The following ANO2 variants were observed in gnomAD, a reference collection of about 807,000 sequenced individuals.
ANO2 encodes anoctamin 2, also known as anoctamin-2.
A neutral mutation model predicts 124.2 loss-of-function variants in ANO2; 101 were observed. That is an observed-to-expected ratio of 0.81 (90% CI 0.69 to 0.96). ANO2 has a LOEUF of 0.96. Among genes scored for constraint, ANO2 ranks in the 40% least tolerant of loss-of-function variants. The probability of loss-of-function intolerance (pLI) is 0.00; values close to 1 mark genes in which losing one functional copy is unlikely to be tolerated. For synonymous variants in ANO2, 486 were observed against 482.5 expected (o/e 1.01, Z -0.09); for missense variants, 1,293 against 1,274.5 (o/e 1.01, Z -0.22).
chr12:5,815,485 C>T (rs1349909603), intron 7 of ANO2, among the ~76,000 whole-genome samples: 1 of 152,062 alleles, frequency 6.6e-6, no homozygotes, highest in Admixed American at 6.5e-5. Context: ...ACATGTTCTA[C>T]ATAAGACGCC....
chr12:5,876,524 T>A (rs1367632467), intron 3 of ANO2, among the ~76,000 whole-genome samples: 1 of 152,172 alleles, frequency 6.6e-6, no homozygotes, highest in Non-Finnish European at 1.5e-5. Context: ...TAAAGACACA[T>A]GTACTTTTAT....
rs180733779 is a variant in ANO2 at position 5,671,329 on chromosome 12, G to A, written c.1546-23528C>T. 4.3e-3 allele frequency among the ~76,000 whole-genome samples: 652 copies of A among 152,240 alleles called. 2 individuals carry two copies. Among genetic ancestry groups the A allele is most frequent in the Non-Finnish European group, 7.2e-3 (490 of 68,018 alleles). On this transcript the variant is annotated intron_variant, in intron 14 of 24. Coordinates refer to ENST00000682330, the MANE Select transcript of ANO2 (RefSeq NM_001364791.2). ...TACATAACACACAGGGCTTCCCACAGCAACCTCCTCCAACCCATTCACAAT... is the reference window on the plus strand; with the variant it reads ...TACATAACACACAGGGCTTCCCACAACAACCTCCTCCAACCCATTCACAAT...
In ANO2 at chr12:5,575,886, C is replaced by T; in HGVS notation, c.2569G>A (p.Glu857Lys). The change falls in exon 23 of 25, where the codon GAG becomes AAG. Residue 857 changes from glutamate (E) to lysine (K), a missense_variant. By Grantham distance (56) the Glu-to-Lys change is moderately conservative. Transcript: ENST00000682330. ...LSFFNVSQLK[E>K]GTQPENSQFD... ...TGTGAGTTTTCTGGCTGCGTCCCCT[C>T]CTTCAGCTGGCTGACGTTGAAAAAG... 6.2e-7 allele frequency: 1 copy of T among 1,613,918 alleles called. No individual in the cohort carries two copies. The highest frequency in any genetic ancestry group is 8.5e-7 in the Non-Finnish European group (1 of 1,179,874).
intron 16 of ANO2, among the ~76,000 whole-genome samples, chr12:5,622,789 C>A (rs1945179294): frequency 6.6e-6 from 1 of 151,936 alleles, no homozygotes; most frequent in Non-Finnish European, 1.5e-5. Context: ...CATGGCAAAA[C>A]TCTGTCTCTA....
chr12:5,687,498 T>A (rs1292704741), intron 14 of ANO2, among the ~76,000 whole-genome samples: 1 of 152,146 alleles, frequency 6.6e-6, no homozygotes, highest in African/African-American at 2.4e-5. Context: ...ATGGATAGAG[T>A]TGGCATCCAT....
intron 14 of ANO2, among the ~76,000 whole-genome samples, chr12:5,683,936 C>G (rs1400317051): frequency 2.0e-5 from 3 of 152,164 alleles, no homozygotes; most frequent in African/African-American, 7.2e-5. Flanking sequence ...TTTCATCTCT[C>G]TCTTGAGTCT....
intron 23 of ANO2, among the ~76,000 whole-genome samples, chr12:5,570,021 C>T (rs1942007241): frequency 6.6e-6 from 1 of 152,112 alleles, no homozygotes; most frequent in Non-Finnish European, 1.5e-5. Context: ...TTATAGTAAG[C>T]TTTCCTGAGC....
intron 7 of ANO2, among the ~76,000 whole-genome samples, chr12:5,825,447 C>T (rs1426517962): frequency 6.6e-6 from 1 of 152,190 alleles, no homozygotes; most frequent in African/African-American, 2.4e-5. Context: ...CACTCACCAT[C>T]GCCCCTAGTG....
chr12:5,912,404 C>T (rs2136293337), intron 3 of ANO2, among the ~76,000 whole-genome samples: 1 of 152,344 alleles, frequency 6.6e-6, no homozygotes, highest in South Asian at 2.1e-4. Flanking sequence ...GGGACATTAG[C>T]TGCTCTAACC....
chr12:5,708,051 C>T (rs1949679994), intron 14 of ANO2, among the ~76,000 whole-genome samples: 1 of 152,172 alleles, frequency 6.6e-6, no homozygotes, highest in African/African-American at 2.4e-5. Context: ...TATCTTTCCC[C>T]CAGGCTGCTT....
chr12:5,769,387 A>G lies in ANO2; in HGVS notation c.1056-18417T>C, dbSNP rs1370252216. Reference sequence around the variant, plus strand: ...AACAGGCCCAAAGACCAAGAAAGAGAGCCAGGGGCCAGACGAGCAAACACT... The same window carrying G: ...AACAGGCCCAAAGACCAAGAAAGAGGGCCAGGGGCCAGACGAGCAAACACT... On this transcript the variant is annotated intron_variant, in intron 10 of 24. Coordinates refer to ENST00000682330, the MANE Select transcript of ANO2 (RefSeq NM_001364791.2). This position sits in a 1 kb window ranked among gnomAD's most constrained non-coding sequence, Gnocchi z 4.0. 1.3e-5 allele frequency among the ~76,000 whole-genome samples: 2 copies of G among 152,148 alleles called. No homozygotes were observed. Among genetic ancestry groups the G allele is most frequent in the Non-Finnish European group, 2.9e-5 (2 of 68,028 alleles).
intron 4 of ANO2, among the ~76,000 whole-genome samples, chr12:5,841,031 GC>G: frequency 6.6e-6 from 1 of 152,246 alleles, no homozygotes; most frequent in East Asian, 1.9e-4. Context: ...GAAGGGAGGA[GC>G]AAGAGAAGCC....
intron 6 of ANO2, 73 bp from the exon 7 acceptor site, chr12:5,827,893 C>A (rs1954026925): frequency 2.0e-6 from 3 of 1,530,720 alleles, no homozygotes; most frequent in Middle Eastern, 1.7e-4. Context: ...ACCCTCACCA[C>A]TGCCTGGCAG....
intron 1 of ANO2, among the ~76,000 whole-genome samples, chr12:5,926,721 G>A (rs1202929818): frequency 6.6e-6 from 1 of 152,184 alleles, no homozygotes; most frequent in Non-Finnish European, 1.5e-5. Flanking sequence ...TACTAAGAAA[G>A]CTAATTTCCT....
At chr12:5,680,153 G>A (rs1486597663) in intron 14 of ANO2, among the ~76,000 whole-genome samples, 1 of 152,184 alleles carries the variant, frequency 6.6e-6, no homozygotes, top group Non-Finnish European at 1.5e-5. Flanking sequence ...TATGGTGGGA[G>A]GAAGAGCATC....
chr12:5,808,499 T>C (rs1953276730), intron 7 of ANO2, among the ~76,000 whole-genome samples: 2 of 152,104 alleles, frequency 1.3e-5, no homozygotes, highest in Non-Finnish European at 2.9e-5. Flanking sequence ...GATCCCGCCA[T>C]ACGAGGATCC....
At chr12:5,922,905 G>C in intron 1 of ANO2, 101 bp from the exon 2 acceptor site, 1 of 1,237,742 alleles carries the variant, frequency 8.1e-7, no homozygotes, top group East Asian at 3.0e-5. Context: ...TGAGAAAATG[G>C]CCCATTTTGC....
chr12:5,593,403 C>T (rs147258436), intron 20 of ANO2, among the ~76,000 whole-genome samples: 1 of 152,262 alleles, frequency 6.6e-6, no homozygotes, highest in East Asian at 1.9e-4. Flanking sequence ...TCTGAGAGTC[C>T]AGACTTGTCA....
intron 14 of ANO2, among the ~76,000 whole-genome samples, chr12:5,651,064 G>C (rs1446396208): frequency 6.6e-6 from 1 of 152,240 alleles, no homozygotes; most frequent in Non-Finnish European, 1.5e-5. Context: ...TTGTAAACTG[G>C]AAGGCTCATA....
Sources: allele counts gnomAD v4.1 joint callset (sites outside exome capture counted in the v4.1 genomes callset), GRCh38; gene constraint gnomAD v4.1.1; non-coding constraint Gnocchi (gnomAD v3.1); transcripts MANE v1.5; gene names NCBI Gene and HGNC (gene_info 2026-07-23, HGNC 2026-07-21).